The following GNAS variants were observed in gnomAD, a reference collection of about 807,000 sequenced individuals.
GNAS encodes protein ALEX.
Under a neutral mutation model 54.5 loss-of-function variants are expected in GNAS, and 8 were observed. That is an observed-to-expected ratio of 0.15 (90% CI 0.09 to 0.26). The LOEUF (loss-of-function observed/expected upper bound fraction) is 0.26. GNAS is among the 10% of genes least tolerant of loss of function. The probability of loss-of-function intolerance (pLI) is 1.00; values close to 1 mark genes in which losing one functional copy is unlikely to be tolerated. For missense variants in GNAS, 170 were observed against 529.8 expected, an observed-to-expected ratio of 0.32 and a Z score of 6.67; for synonymous variants, 204 against 191.4, an observed-to-expected ratio of 1.07 and a Z score of -0.54.
chr20:58,880,809 A>C (rs557781187), intron 1 of GNAS, among the ~76,000 whole-genome samples: 14 of 152,132 alleles, frequency 9.2e-5, no homozygotes, highest in African/African-American at 3.1e-4. Context: ...GTAGAAACTA[A>C]ATGTCTGCTG....
intron 1 of GNAS, chr20:58,854,298 AAG>A: frequency 7.5e-6 from 12 of 1,606,630 alleles, no homozygotes; most frequent in Non-Finnish European, 1.0e-5. Flanking sequence ...AGCCCCAGAT[AAG>A]AGAGAGCGAG....
At chr20:58,846,541 T>G (rs1046456661) in intron 1 of GNAS, among the ~76,000 whole-genome samples, 4 of 152,236 alleles carry the variant, frequency 2.6e-5, no homozygotes, top group African/African-American at 9.6e-5. Flanking sequence ...CCTAGAAATC[T>G]AGCTGTCTAG....
Position 58,853,363 on chromosome 20 carries a change from C to A in GNAS, c.43+12477C>A, listed in dbSNP as rs746548577. 4.6e-5 allele frequency: 72 copies of A among 1,553,074 alleles called. No homozygotes were observed. The highest frequency in any genetic ancestry group is 9.8e-5 in the Admixed American group (5 of 51,236). On this transcript the variant is annotated intron_variant, in intron 1 of 12. Coordinates refer to the GNAS transcript ENST00000306090. The surrounding 1 kb of genome is among the most constrained non-coding windows in gnomAD (Gnocchi z 4.4). ...CAGCCCGAGCAACCACCTTTGGAGG[C>A]CCCAGGGGCAGCTGCCCCCGGTGCT...
At chr20:58,852,978 G>A (rs1443381816) in intron 1 of GNAS, 2 of 1,184,598 alleles carry the variant, frequency 1.7e-6, no homozygotes, top group East Asian at 3.8e-5. Flanking sequence ...AGAGGAGGGC[G>A]TAAGGATAGA....
At chr20:58,894,646 G>GT (rs943670029) in intron 1 of GNAS, among the ~76,000 whole-genome samples, 10 of 152,196 alleles carry the variant, frequency 6.6e-5, no homozygotes, top group Admixed American at 3.9e-4. Flanking sequence ...ATGGAAATGT[G>GT]TTTTTTCCAT....
rs868512361 is a variant in GNAS, at chr20:58,873,718, G to A, written c.44-21894G>A. On this transcript the variant is annotated intron_variant, in intron 1 of 12. Transcript: ENST00000306090. The surrounding 1 kb of genome is among the most constrained non-coding windows in gnomAD (Gnocchi z 4.3). ...GGCATTTTCATTTGTTCATTCATTC[G>A]ATATACATGTATTGAGTGCCAAATA... 2.0e-5 allele frequency among the ~76,000 whole-genome samples: 3 copies of A among 152,108 alleles called. No individual in the cohort carries two copies. The highest frequency in any genetic ancestry group is 2.9e-5 in the Non-Finnish European group (2 of 68,032).
chr20:58,894,317 CTT>C (rs1485615979), intron 1 of GNAS, among the ~76,000 whole-genome samples: 2 of 152,194 alleles, frequency 1.3e-5, no homozygotes, highest in Admixed American at 6.5e-5. Context: ...CTTGGCCTCT[CTT>C]AATAGTGCCA....
intron 3 of GNAS, among the ~76,000 whole-genome samples, chr20:58,902,366 G>C (rs1350623550): frequency 6.6e-6 from 1 of 152,180 alleles, no homozygotes; most frequent in East Asian, 1.9e-4. Flanking sequence ...GCTAGTTTCT[G>C]AAAAACATAC....
chr20:58,842,127 G>A (rs1010987431), intron 1 of GNAS: 1 of 399,234 alleles, frequency 2.5e-6, no homozygotes, highest in Non-Finnish European at 4.4e-6. Context: ...CTGTAACCTG[G>A]AGGGGAATCT....
chr20:58,889,389 G>A, upstream of GNAS: 1 of 983,642 alleles, frequency 1.0e-6, no homozygotes, highest in Non-Finnish European at 1.2e-6. Context: ...CCGCGGAAGT[G>A]CGAGTCGCCC....
chr20:58,899,356 C>A, intron 3 of GNAS: 2 of 518,494 alleles, frequency 3.9e-6, no homozygotes, highest in Non-Finnish European at 7.3e-6. Context: ...ATTCCATCTA[C>A]CCACTGGTTG....
chr20:58,854,904 C>T, intron 1 of GNAS: 1 of 1,595,072 alleles, frequency 6.3e-7, no homozygotes, highest in Non-Finnish European at 8.5e-7. Flanking sequence ...GCGGCCTACT[C>T]GCGCGTCTGC....
chr20:58,899,030 A>G (rs1183012432), intron 3 of GNAS, 45 bp downstream of exon 3: 3 of 1,459,360 alleles, frequency 2.1e-6, no homozygotes, highest in Admixed American at 1.7e-5. Context: ...AAACCAAACA[A>G]ACATGAAGAT....
Position 58,891,698 on chromosome 20 carries a change from G to C in GNAS, c.-29G>C, listed in dbSNP as rs749564047. 19 of 1,024,540 alleles carry C rather than the reference G, an allele frequency of 1.9e-5. No homozygotes were observed. Among genetic ancestry groups the C allele is most frequent in the Non-Finnish European group, 2.3e-5 (19 of 843,620 alleles). The allele number at this position is 1,024,540 out of a possible 1,614,324, so 63.5% of individuals were successfully genotyped here. On this transcript the variant is annotated 5_prime_UTR_variant, in exon 1 of 13. Coordinates refer to ENST00000371085, the MANE Select transcript of GNAS (RefSeq NM_000516.7). The stretch of plus-strand genomic sequence containing the variant: ...CCCGCGCCCGCCGCCGCCGCAGCCC[G>C]GCCGCGCCCCGCCGCCGCCGCCGCC...
At chr20:58,899,830 T>G in intron 3 of GNAS, 1 of 679,322 alleles carries the variant, frequency 1.5e-6, no homozygotes, top group Non-Finnish European at 2.7e-6. Context: ...TCCAGAACCA[T>G]TGACTTAGTT....
In GNAS at chr20:58,855,375, G is replaced by A. The variant is rs765920537; in HGVS notation, c.43+14489G>A. On this transcript the variant is annotated intron_variant, in intron 1 of 12. Transcript: ENST00000306090. ...TGCCTGCGGGCAGCAGGGCCGCCGGGGAACCGGGGAGGGGGTGGCAGGGCT... is the reference window on the plus strand; with the variant it reads ...TGCCTGCGGGCAGCAGGGCCGCCGGAGAACCGGGGAGGGGGTGGCAGGGCT... The A allele has an allele frequency of 5.8e-5, 89 of 1,539,134 alleles. 1 individual carries two copies. In the Middle Eastern group the frequency reaches 2.1e-3, roughly 37 times the overall value.
At chr20:58,893,743 G>T (rs1166091950) in intron 1 of GNAS, among the ~76,000 whole-genome samples, 1 of 151,878 alleles carries the variant, frequency 6.6e-6, no homozygotes, top group African/African-American at 2.4e-5. Flanking sequence ...CGTATAACTT[G>T]ATTTCAAAGT....
chr20:58,902,707 G>A (rs2090732831), intron 3 of GNAS, among the ~76,000 whole-genome samples: 1 of 142,682 alleles, frequency 7.0e-6, no homozygotes, highest in African/African-American at 2.6e-5. Flanking sequence ...TGCAGTGCCT[G>A]GAGCATCGCA....
intron 1 of GNAS, among the ~76,000 whole-genome samples, chr20:58,894,047 C>A (rs2089795703): frequency 6.6e-6 from 1 of 152,198 alleles, no homozygotes; most frequent in Non-Finnish European, 1.5e-5. Context: ...GTGATTCTCA[C>A]CAAATAATGC....
Sources: gnomAD v4.1 joint callset for allele counts (sites outside exome capture counted in the v4.1 genomes callset) on GRCh38, gnomAD v4.1.1 for gene constraint, Gnocchi (gnomAD v3.1) non-coding constraint, MANE v1.5 for transcripts, NCBI Gene and HGNC (gene_info 2026-07-23, HGNC 2026-07-21) for gene names.